Variants in BLTP1 observed in about 807,000 individuals in gnomAD.
The protein encoded by BLTP1 is bridge-like lipid transfer protein family member 1.
chr4:122,280,433 CCT>C, the BLTP1 span, among the ~76,000 whole-genome samples: 2 of 152,134 alleles, frequency 1.3e-5, no homozygotes, highest in Non-Finnish European at 2.9e-5. Context: ...TGAGCATTAA[CCT>C]TTATTCCCTA....
At chr4:122,298,318 A>G in the BLTP1 span, 1 of 557,208 alleles carries the variant, frequency 1.8e-6, no homozygotes, top group Non-Finnish European at 2.3e-6. Context: ...TTGCCTATAG[A>G]GCCAAGAGAA....
the BLTP1 span, chr4:122,277,657 CAG>C: frequency 1.0e-6 from 1 of 968,508 alleles, no homozygotes; most frequent in Non-Finnish European, 1.2e-6. Context: ...CATTATGAAT[CAG>C]ACTTTTATCA....
At chr4:122,308,125 C>G in the BLTP1 span, 1 of 1,613,346 alleles carries the variant, frequency 6.2e-7, no homozygotes, top group Non-Finnish European at 8.5e-7. Flanking sequence ...TGTCAATGAT[C>G]TGGGAATTTG....
the BLTP1 span, chr4:122,343,670 T>C: frequency 1.9e-6 from 3 of 1,557,086 alleles, no homozygotes; most frequent in Non-Finnish European, 2.6e-6. Context: ...GCTTTCAAGC[T>C]TTATTTTCAT....
chr4:122,244,565 A>G, the BLTP1 span: 3 of 625,528 alleles, frequency 4.8e-6, no homozygotes, highest in Non-Finnish European at 6.0e-6. Flanking sequence ...ATTATTATAT[A>G]AAACTAACAT....
At chr4:122,308,106 C>T in the BLTP1 span, 1 of 1,613,456 alleles carries the variant, frequency 6.2e-7, no homozygotes, top group South Asian at 1.1e-5. Context: ...CTCTTTTTCT[C>T]CAGCTCACTG....
At chr4:122,239,967 A>T in the BLTP1 span, 1 of 1,614,190 alleles carries the variant, frequency 6.2e-7, no homozygotes, top group Non-Finnish European at 8.5e-7. Flanking sequence ...GATTGACTAC[A>T]GTAGGGGTTC....
the BLTP1 span, chr4:122,197,023 A>G: frequency 2.1e-5 from 4 of 188,080 alleles, no homozygotes; most frequent in Admixed American, 2.6e-4. Flanking sequence ...TCTCCTTTAT[A>G]TCTGGCTAAA....
At chr4:122,255,208 T>C in the BLTP1 span, 17 of 1,612,996 alleles carry the variant, frequency 1.1e-5, no homozygotes, top group Non-Finnish European at 1.4e-5. Context: ...AAGAAAATCC[T>C]TCATGTTTAC....
the BLTP1 span, chr4:122,261,496 T>C: frequency 1.0e-6 from 1 of 980,832 alleles, no homozygotes; most frequent in South Asian, 4.7e-5. Context: ...ATTCTAATCA[T>C]AGATGTGACA....
the BLTP1 span, chr4:122,271,228 T>C: frequency 0.3 from 488,368 of 1,613,518 alleles, 78,497 homozygotes; most frequent in South Asian, 0.48. Flanking sequence ...AGCATGTAGA[T>C]ATGGCTTTGG....
At chr4:122,324,583 C>A in the BLTP1 span, 4 of 1,468,818 alleles carry the variant, frequency 2.7e-6, no homozygotes, top group Admixed American at 3.8e-5. Context: ...ATTGTTGACT[C>A]TTTTACCAAG....
the BLTP1 span, chr4:122,238,165 G>A: frequency 6.2e-7 from 1 of 1,613,984 alleles, no homozygotes; most frequent in Non-Finnish European, 8.5e-7. Flanking sequence ...GAAAAACTCA[G>A]CACCTTAGTC....
the BLTP1 span, chr4:122,291,667 A>C: frequency 1.1e-6 from 1 of 909,082 alleles, no homozygotes; most frequent in African/African-American, 1.8e-5. Context: ...AGTAAACAGA[A>C]TAGACTATTT....
the BLTP1 span, among the ~76,000 whole-genome samples, chr4:122,248,732 T>G: frequency 6.6e-6 from 1 of 152,032 alleles, no homozygotes; most frequent in Admixed American, 6.6e-5. Context: ...GCTATTAAAA[T>G]GATATCTTTG....
At chr4:122,189,810 C>A in the BLTP1 span, 4 of 907,436 alleles carry the variant, frequency 4.4e-6, no homozygotes, top group Non-Finnish European at 4.0e-6. Flanking sequence ...TAGAATAAAA[C>A]ATGGAACAAT....
chr4:122,307,532 G>C, the BLTP1 span: 1 of 984,982 alleles, frequency 1.0e-6, no homozygotes, highest in Non-Finnish European at 1.2e-6. Context: ...ACTTTTCTCT[G>C]TAAATCAGAT....
At chr4:122,191,603 A>T in the BLTP1 span, among the ~76,000 whole-genome samples, 1 of 152,200 alleles carries the variant, frequency 6.6e-6, no homozygotes, top group Non-Finnish European at 1.5e-5. Flanking sequence ...TTAACATAAC[A>T]GTGTATGAAA....
chr4:122,225,146 T>C, the BLTP1 span: 1 of 464,500 alleles, frequency 2.2e-6, no homozygotes, highest in Non-Finnish European at 2.9e-6. Context: ...TTGCTTGTCA[T>C]GTCCCAAAGC....
Sources: gnomAD v4.1 joint callset for allele counts (sites outside exome capture counted in the v4.1 genomes callset) on GRCh38, gnomAD v4.1.1 for gene constraint, MANE v1.5 for transcripts, NCBI Gene and HGNC (gene_info 2026-07-23, HGNC 2026-07-21) for gene names.